FBN2: variants seen among roughly 807,000 people sequenced by gnomAD.
FBN2 encodes fibrillin-2.
Under a neutral mutation model 355.6 loss-of-function variants are expected in FBN2, and 105 were observed. The observed-to-expected ratio is 0.30, with a 90% CI of 0.25 to 0.35. FBN2 has a LOEUF of 0.35. Ranked by LOEUF, FBN2 falls within the 10% of genes least tolerant of loss-of-function variation. The pLI is 1.00. For missense variants in FBN2, 3,280 were observed against 3,758.7 expected (o/e 0.87, Z 3.33); for synonymous variants, 1,350 against 1,301.2 (o/e 1.04, Z -0.81).
intron 5 of FBN2, among the ~76,000 whole-genome samples, chr5:128,490,631 G>A (rs553789140): frequency 3.3e-5 from 5 of 152,148 alleles, no homozygotes; most frequent in African/African-American, 4.8e-5. Context: ...ATTTTATTTC[G>A]AATTCTATCC....
Position 128,470,751 on chromosome 5 carries a change from G to C in FBN2, c.629-5830C>G, listed in dbSNP as rs146078466. ...ACTTGAGAAGGGAAACAGCCAGAGG[G>C]ACAACAATACATCAGCTGCCCATGT... On this transcript the variant is annotated intron_variant, in intron 5 of 64. Coordinates refer to ENST00000262464, the MANE Select transcript of FBN2 (RefSeq NM_001999.4). Among the ~76,000 whole-genome samples, 178 of 152,292 alleles carry C rather than the reference G, an allele frequency of 1.2e-3. 2 individuals are homozygous for C. In the East Asian group the frequency reaches 0.014, roughly 12 times the overall value.
intron 5 of FBN2, among the ~76,000 whole-genome samples, chr5:128,485,231 C>T (rs1755306561): frequency 2.0e-5 from 3 of 151,964 alleles, no homozygotes. Flanking sequence ...CCATGTTGCC[C>T]AGGTTGGTCT....
intron 8 of FBN2, among the ~76,000 whole-genome samples, chr5:128,406,307 G>A (rs1286958961): frequency 6.6e-6 from 1 of 152,134 alleles, no homozygotes; most frequent in Non-Finnish European, 1.5e-5. Flanking sequence ...ATCACACATT[G>A]TGGCTGTAAC....
intron 7 of FBN2, among the ~76,000 whole-genome samples, chr5:128,415,346 T>C (rs1486939045): frequency 6.6e-6 from 1 of 152,220 alleles, no homozygotes; most frequent in Non-Finnish European, 1.5e-5. Context: ...GTAACTTCTC[T>C]TCATCCTCCA....
intron 62 of FBN2, among the ~76,000 whole-genome samples, chr5:128,266,523 T>A (rs1404339491): frequency 6.6e-6 from 1 of 152,134 alleles, no homozygotes; most frequent in Admixed American, 6.5e-5. Flanking sequence ...CACCACACCA[T>A]CTTGATTTTA....
At chr5:128,310,824 C>T (rs1750033781) in intron 39 of FBN2, among the ~76,000 whole-genome samples, 2 of 151,998 alleles carry the variant, frequency 1.3e-5, no homozygotes, top group Admixed American at 1.3e-4. Flanking sequence ...AGTGGTGAGA[C>T]AGGCCCCTAA....
chr5:128,379,883 G>A (rs771454129), intron 11 of FBN2, among the ~76,000 whole-genome samples: 1 of 152,022 alleles, frequency 6.6e-6, no homozygotes, highest in Non-Finnish European at 1.5e-5. Flanking sequence ...CTAAATTGGA[G>A]AACATAACAA....
chr5:128,473,651 C>T (rs182122140), intron 5 of FBN2, among the ~76,000 whole-genome samples: 236 of 152,226 alleles, frequency 1.6e-3, no homozygotes, highest in African/African-American at 5.3e-3. Flanking sequence ...TTGCCTTCAC[C>T]GTGCTAATGA....
rs1369746061 is a variant in FBN2 at position 128,537,668 on chromosome 5, G to A, written c.-65C>T. The stretch of plus-strand genomic sequence containing the variant: ...GGGAGTGATCAAAGACAAAATCTGC[G>A]CGCCTCAGAAAAGAGTCAGGGTCTA... On this transcript the variant is annotated 5_prime_UTR_variant, in exon 1 of 65. Transcript: ENST00000262464. 9.2e-6 allele frequency: 14 copies of A among 1,516,144 alleles called. No homozygotes were observed. The highest frequency in any genetic ancestry group is 3.4e-4 in the Middle Eastern group (2 of 5,910). 93.9% of individuals were successfully genotyped at this position (1,516,144 alleles called of 1,614,324 possible).
rs893243344 is a variant in FBN2 at position 128,537,537 on chromosome 5, C to G, written c.67G>C (p.Ala23Pro). ...FLWLGCVVLWAQGTAGQPQPP... is the reference protein window; with the variant it reads ...FLWLGCVVLWPQGTAGQPQPP... ...TGAGGCTGGCCGGCCGTGCCCTGCG[C>G]CCAGAGCACCACACAGCCCAGCCAC... The change falls in exon 1 of 65, where the codon GCG (alanine) becomes CCG (proline). Residue 23 changes from alanine (A) to proline (P), a missense_variant. Physicochemically the swap from Ala to Pro is conservative, Grantham distance 27 (BLOSUM62 -1). Transcript: ENST00000262464. 3.1e-6 allele frequency: 5 copies of G among 1,592,520 alleles called. No individual in the cohort carries two copies. The highest frequency in any genetic ancestry group is 2.3e-5 in the East Asian group (1 of 43,680).
chr5:128,291,503 G>A (rs1190047964), intron 49 of FBN2, 26 bp downstream of exon 49: 10 of 1,613,056 alleles, frequency 6.2e-6, no homozygotes, highest in Non-Finnish European at 8.5e-6. Flanking sequence ...CGTGAACTGT[G>A]ACAGTGAAGT....
At chr5:128,314,792 G>A (rs1750156101) in intron 36 of FBN2, among the ~76,000 whole-genome samples, 1 of 151,684 alleles carries the variant, frequency 6.6e-6, no homozygotes, top group Admixed American at 6.6e-5. Context: ...TTGTTTTAAT[G>A]TGTTCATTTT....
At chr5:128,275,936 A>T in intron 59 of FBN2, 102 bp downstream of exon 59, 1 of 1,314,416 alleles carries the variant, frequency 7.6e-7, no homozygotes, top group Non-Finnish European at 1.1e-6. Context: ...GGGACCTTTT[A>T]ATGAAGGTGA....
In FBN2 at chr5:128,339,931, T is replaced by C. The variant is rs77970885; in HGVS notation, c.3344-870A>G. Among the ~76,000 whole-genome samples the C allele has an allele frequency of 1.3e-3, 202 of 152,350 alleles. 3 individuals are homozygous for C. In the East Asian group the frequency reaches 0.031, roughly 23 times the overall value. On this transcript the variant is annotated intron_variant, in intron 25 of 64. Coordinates refer to ENST00000262464, the MANE Select transcript of FBN2 (RefSeq NM_001999.4). ...TCATATTCAGATGTAAAGAGCTTATTGATTTAGTAAGCCCTTTGGTGACAT... is the reference window on the plus strand; with the variant it reads ...TCATATTCAGATGTAAAGAGCTTATCGATTTAGTAAGCCCTTTGGTGACAT...
At chr5:128,287,725 C>T (rs1377260759) in intron 53 of FBN2, among the ~76,000 whole-genome samples, 1 of 152,124 alleles carries the variant, frequency 6.6e-6, no homozygotes, top group Non-Finnish European at 1.5e-5. Context: ...TGAAATTACC[C>T]TCCAGATGAC....
intron 16 of FBN2, among the ~76,000 whole-genome samples, chr5:128,368,668 A>G (rs920080147): frequency 6.6e-6 from 1 of 151,524 alleles, no homozygotes; most frequent in Non-Finnish European, 1.5e-5. Context: ...AAGAAAATAG[A>G]TTTTTGATTG....
chr5:128,509,796 T>C (rs1756063455), intron 5 of FBN2, among the ~76,000 whole-genome samples: 1 of 152,190 alleles, frequency 6.6e-6, no homozygotes, highest in Non-Finnish European at 1.5e-5. Flanking sequence ...CTATAGTTAA[T>C]TGTTCTCCAC....
At chr5:128,301,012 A>G in intron 47 of FBN2, 76 bp from the exon 48 acceptor site, 1 of 1,414,350 alleles carries the variant, frequency 7.1e-7, no homozygotes, top group African/African-American at 1.4e-5. Flanking sequence ...CTGCCAAATG[A>G]TATTAACATG....
chr5:128,424,134 G>A (rs1029307047), intron 7 of FBN2, among the ~76,000 whole-genome samples: 9 of 152,068 alleles, frequency 5.9e-5, no homozygotes, highest in African/African-American at 1.9e-4. Flanking sequence ...TAAAGTATAC[G>A]TGCCTGGCAG....
Sources: gnomAD v4.1 joint callset for allele counts (sites outside exome capture counted in the v4.1 genomes callset) on GRCh38, gnomAD v4.1.1 for gene constraint, MANE v1.5 for transcripts, NCBI Gene and HGNC (gene_info 2026-07-23, HGNC 2026-07-21) for gene names.